Variants in GALK2 observed in about 807,000 individuals in gnomAD.
GALK2 encodes the protein N-acetylgalactosamine kinase.
GALK2 carries 36 observed loss-of-function variants against 52.4 expected under a neutral mutation model. The observed-to-expected ratio is 0.69, with a 90% confidence interval of 0.53 to 0.91. The LOEUF (loss-of-function observed/expected upper bound fraction) is 0.91, where lower values mean the gene tolerates loss of function less well. Ranked by LOEUF, GALK2 falls within the 40% of genes least tolerant of loss-of-function variation. The pLI, the probability that GALK2 is intolerant of heterozygous loss-of-function variation, is 0.00. For synonymous variants in GALK2, 176 were observed against 199.1 expected, an observed-to-expected ratio of 0.88 and a Z score of 0.98; for missense variants, 579 against 559.1, an observed-to-expected ratio of 1.04 and a Z score of -0.36.
intron 5 of GALK2, among the ~76,000 whole-genome samples, chr15:49,262,609 A>T (rs1031475610): frequency 2.8e-4 from 43 of 151,892 alleles, no homozygotes; most frequent in African/African-American, 9.9e-4. Context: ...GCCCTCTGCT[A>T]GCTTTTGAAT....
At position 49,235,954 on chromosome 15, in the gene GALK2, A is replaced by C. The variant is rs1232898085; in HGVS notation, c.357+13A>C. 1 of 1,489,416 alleles carries C rather than the reference A, an allele frequency of 6.7e-7. No homozygotes were observed. The highest frequency in any genetic ancestry group is 9.4e-7 in the Non-Finnish European group (1 of 1,067,196). The allele number at this position is 1,489,416 out of a possible 1,614,324, so 92.3% of individuals were successfully genotyped here. ...TAAAGGAATTCAGGTAAATTGGTTTATAAGGCACTTACTACCAGTTGAGAT... is the reference window on the plus strand; with the variant it reads ...TAAAGGAATTCAGGTAAATTGGTTTCTAAGGCACTTACTACCAGTTGAGAT... On this transcript the variant is annotated intron_variant, in intron 4 of 9. Transcript: ENST00000560031.
intron 3 of GALK2, among the ~76,000 whole-genome samples, chr15:49,223,378 A>G (rs2089941393): frequency 6.6e-6 from 1 of 152,112 alleles, no homozygotes; most frequent in African/African-American, 2.4e-5. Flanking sequence ...CAGTAAAATA[A>G]TTTCAACTTT....
rs2036774290 is a variant in GALK2 at position 49,320,300 on chromosome 15, C to T, written c.1169+495C>T. The stretch of plus-strand genomic sequence containing the variant: ...CTGAAGGAATCACCCAGAAAGCCAG[C>T]ATTTCCTGCCTTCTAGGTTTAGTTT... On this transcript the variant is annotated intron_variant, in intron 9 of 9. Transcript: ENST00000560031. 1.3e-5 allele frequency among the ~76,000 whole-genome samples: 2 copies of T among 152,202 alleles called. 1 individual carries two copies. Among genetic ancestry groups the T allele is most frequent in the South Asian group, 4.1e-4 (2 of 4,836 alleles).
intron 3 of GALK2, among the ~76,000 whole-genome samples, 172 bp downstream of exon 3, chr15:49,217,485 A>G (rs928492120): frequency 6.6e-5 from 10 of 152,222 alleles, no homozygotes; most frequent in African/African-American, 1.7e-4. Context: ...TCATTTGTCA[A>G]TTCATTTAAG....
intron 5 of GALK2, among the ~76,000 whole-genome samples, chr15:49,249,044 G>GT (rs1479085259): frequency 9.5e-6 from 1 of 105,400 alleles, no homozygotes; most frequent in Non-Finnish European, 2.3e-5. Context: ...CCTACAATAA[G>GT]TTAAGTGTTA....
chr15:49,268,486 C>T (rs950101085), intron 5 of GALK2, among the ~76,000 whole-genome samples: 2 of 152,166 alleles, frequency 1.3e-5, no homozygotes, highest in African/African-American at 4.8e-5. Context: ...AATATATCCA[C>T]TGAAAGATGT....
intron 3 of GALK2, among the ~76,000 whole-genome samples, chr15:49,234,542 C>T (rs897746236): frequency 3.3e-5 from 5 of 152,150 alleles, no homozygotes; most frequent in African/African-American, 1.2e-4. Context: ...GGAGCAAAGT[C>T]ACATCTTACA....
chr15:49,237,053 G>GA (rs1305558392), intron 4 of GALK2, among the ~76,000 whole-genome samples: 3 of 152,110 alleles, frequency 2.0e-5, no homozygotes, highest in Non-Finnish European at 2.9e-5. Context: ...GCATTAGTGG[G>GA]AATTACAGTA....
intron 5 of GALK2, among the ~76,000 whole-genome samples, chr15:49,257,381 G>C (rs1034089174): frequency 2.0e-5 from 3 of 152,128 alleles, no homozygotes; most frequent in Non-Finnish European, 2.9e-5. Flanking sequence ...CAGGGAGGTG[G>C]TAAAGGAGCA....
intron 3 of GALK2, chr15:49,366,594 G>C (rs116956420): frequency 0.017 from 26,465 of 1,595,940 alleles, 291 homozygotes; most frequent in Non-Finnish European, 0.02. Flanking sequence ...CCAGACGCAT[G>C]CAAGATTGCT....
chr15:49,367,154 G>T (rs906665474), intron 3 of GALK2, among the ~76,000 whole-genome samples: 9 of 152,142 alleles, frequency 5.9e-5, no homozygotes, highest in Non-Finnish European at 1.0e-4. Flanking sequence ...ACCAGTCACT[G>T]AACAGTAAAG....
chr15:49,216,847 C>A (rs2141380007), intron 2 of GALK2, among the ~76,000 whole-genome samples: 1 of 152,330 alleles, frequency 6.6e-6, no homozygotes, highest in East Asian at 1.9e-4. Context: ...AACACAGTTT[C>A]TCTGTCCATG....
chr15:49,217,659 C>T (rs531690633), intron 3 of GALK2, among the ~76,000 whole-genome samples: 1 of 152,284 alleles, frequency 6.6e-6, no homozygotes. Context: ...ATGGCACCTT[C>T]TAAGTATCTT....
chr15:49,301,008 G>T (rs913362589), intron 8 of GALK2, among the ~76,000 whole-genome samples: 3 of 152,140 alleles, frequency 2.0e-5, no homozygotes, highest in African/African-American at 7.2e-5. Flanking sequence ...AGGCAGGTCC[G>T]ATGGTAATGA....
chr15:49,352,460 A>G (rs771928948), intron 3 of GALK2, among the ~76,000 whole-genome samples: 1 of 152,186 alleles, frequency 6.6e-6, no homozygotes, highest in Non-Finnish European at 1.5e-5. Context: ...GCAGCTGAGG[A>G]AATCCTTGTA....
At chr15:49,246,015 G>T (rs958332087) in intron 5 of GALK2, among the ~76,000 whole-genome samples, 1 of 152,148 alleles carries the variant, frequency 6.6e-6, no homozygotes. Flanking sequence ...AGGTTTTAGG[G>T]TGTAAATATG....
intron 5 of GALK2, among the ~76,000 whole-genome samples, chr15:49,241,634 G>A (rs16962171): frequency 0.06 from 9,187 of 152,244 alleles, 553 homozygotes; most frequent in African/African-American, 0.15. Flanking sequence ...TAAGAAAGTG[G>A]TAAAGTTCAG....
downstream of GALK2, among the ~76,000 whole-genome samples, chr15:49,333,471 G>T (rs1022316388): frequency 6.6e-6 from 1 of 152,184 alleles, no homozygotes; most frequent in Non-Finnish European, 1.5e-5. Context: ...TCTCAGTGGT[G>T]AAAATTCTTG....
chr15:49,291,377 A>G (rs1017527568), intron 7 of GALK2, among the ~76,000 whole-genome samples: 1 of 152,220 alleles, frequency 6.6e-6, no homozygotes, highest in Non-Finnish European at 1.5e-5. Flanking sequence ...ACCAGAGTAC[A>G]ATAGTCTTTT....
Sources: gnomAD v4.1 joint callset for allele counts (sites outside exome capture counted in the v4.1 genomes callset) on GRCh38, gnomAD v4.1.1 for gene constraint, MANE v1.5 for transcripts, NCBI Gene and HGNC (gene_info 2026-07-23, HGNC 2026-07-21) for gene names.